The following KAT2B variants were observed in gnomAD, a reference collection of about 807,000 sequenced individuals.
KAT2B encodes lysine acetyltransferase 2B.
Under a neutral mutation model 105.9 loss-of-function variants are expected in KAT2B, and 36 were observed. The observed-to-expected ratio is 0.34, with a 90% CI of 0.26 to 0.45. KAT2B has a LOEUF of 0.45. Ranked by LOEUF, KAT2B falls within the 20% of genes least tolerant of loss-of-function variation. KAT2B has a pLI of 1.00. For missense variants in KAT2B, 820 were observed against 1,021.6 expected, an observed-to-expected ratio of 0.80 and a Z score of 2.69; for synonymous variants, 397 against 377.9, an observed-to-expected ratio of 1.05 and a Z score of -0.59.
At chr3:20,052,361 C>T (rs1261111029) in intron 1 of KAT2B, among the ~76,000 whole-genome samples, 1 of 152,114 alleles carries the variant, frequency 6.6e-6, no homozygotes. Flanking sequence ...TCATGGAGCC[C>T]ATAAGGCCTC....
At position 20,122,854 on chromosome 3, in the gene KAT2B, C is replaced by G. The variant is rs1161361506; in HGVS notation, c.1413+50C>G. The stretch of plus-strand genomic sequence containing the variant: ...CAGCTGGTAGACCTCTTCTGCTCTC[C>G]TGGCCACTCCAGCTGTCAGAAGTGG... On this transcript the variant is annotated intron_variant, in intron 9 of 17. Transcript: ENST00000263754. 1.9e-6 allele frequency: 3 copies of G among 1,557,450 alleles called. No homozygotes were observed. The South Asian group carries it at 3.6e-5, about 19-fold the overall frequency.
chr3:20,121,730 ATATGTGTGTGTGTGTGTGTG>A (rs1189805172), intron 8 of KAT2B, among the ~76,000 whole-genome samples: 113 of 92,576 alleles, frequency 1.2e-3, no homozygotes, highest in African/African-American at 3.6e-3. Context: ...ACACATATGC[ATATGTGTGTGTGTGTGTGTG>A]TGTGTGTGTG....
intron 2 of KAT2B, among the ~76,000 whole-genome samples, chr3:20,078,539 ATT>A (rs879676156): frequency 1.4e-5 from 2 of 145,716 alleles, no homozygotes. Context: ...TGCCCAGCTA[ATT>A]TTTTTTTTTT....
intron 12 of KAT2B, among the ~76,000 whole-genome samples, chr3:20,139,594 A>C (rs1699663905): frequency 6.6e-6 from 1 of 151,914 alleles, no homozygotes; most frequent in Non-Finnish European, 1.5e-5. Context: ...ACTTAAGGCA[A>C]ATTATGTTTA....
chr3:20,086,809 T>TGAGATGGAGTCTCGC (rs1698625081), intron 2 of KAT2B, among the ~76,000 whole-genome samples: 1 of 146,210 alleles, frequency 6.8e-6, no homozygotes, highest in Admixed American at 6.7e-5. Context: ...TTTTTTTTTT[T>TGAGATGGAGTCTCGC]GAGATGGAGT....
intron 1 of KAT2B, among the ~76,000 whole-genome samples, chr3:20,051,199 C>CAAA (rs61279125): frequency 0.13 from 14,757 of 113,096 alleles, 1,119 homozygotes; most frequent in East Asian, 0.37. Flanking sequence ...TACTCTGTCT[C>CAAA]AAAAAAAAAA....
In KAT2B at chr3:20,114,876, G is replaced by T; in HGVS notation, c.1044-6G>T. 6.7e-7 allele frequency: 1 copy of T among 1,503,158 alleles called. No individual in the cohort carries two copies. The highest frequency in any genetic ancestry group is 9.2e-7 in the Non-Finnish European group (1 of 1,082,130). The allele number at this position is 1,503,158 out of a possible 1,614,324, so 93.1% of individuals were successfully genotyped here. A position where few individuals can be genotyped will look rare whatever the true frequency, so the allele number is the denominator to read the frequency against. ...TTAATCTTATTGCTATTACTCTTGT[G>T]TCTAGATTTCTGTCCATGCTAGAAG... On this transcript the variant is annotated splice_polypyrimidine_tract_variant and splice_region_variant and intron_variant, in intron 6 of 17. Transcript: ENST00000263754.
rs1698109367 is a variant in KAT2B at position 20,061,880 on chromosome 3, G to GTATAAAATATGTATTATATATTATA, written c.304-10431_304-10407dup. On this transcript the variant is annotated intron_variant, in intron 1 of 17. Coordinates refer to ENST00000263754, the MANE Select transcript of KAT2B (RefSeq NM_003884.5). Reference sequence around the variant, plus strand: ...TATACATAAAATATATAATATATTTGTATAAAATATGTATTATATATTATA... The same window carrying GTATAAAATATGTATTATATATTATA: ...TATACATAAAATATATAATATATTTGTATAAAATATGTATTATATATTATATATAAAATATGTATTATATATTATA... Among the ~76,000 whole-genome samples, 5 of 72,832 alleles carry GTATAAAATATGTATTATATATTATA rather than the reference G, an allele frequency of 6.9e-5. 1 individual carries two copies. The highest frequency in any genetic ancestry group is 8.4e-5 in the Non-Finnish European group (3 of 35,516). 47.8% of individuals were successfully genotyped at this position (72,832 alleles called of 152,430 possible). A position where few individuals can be genotyped will look rare whatever the true frequency, so the allele number is the denominator to read the frequency against.
At chr3:20,113,230 G>A (rs897865145) in intron 6 of KAT2B, among the ~76,000 whole-genome samples, 1 of 152,186 alleles carries the variant, frequency 6.6e-6, no homozygotes, top group Non-Finnish European at 1.5e-5. Flanking sequence ...CCTTTCCTTA[G>A]AGATTGAAGC....
At chr3:20,061,826 A>AATATATAATATACATAAAAT (rs1262301462) in intron 1 of KAT2B, among the ~76,000 whole-genome samples, 1 of 89,310 alleles carries the variant, frequency 1.1e-5, no homozygotes, top group Admixed American at 1.3e-4. Flanking sequence ...TAAAGTATAT[A>AATATATAATATACATAAAAT]ATATATAATA....
chr3:20,115,133 A>G, intron 7 of KAT2B, 145 bp downstream of exon 7: 1 of 604,556 alleles, frequency 1.7e-6, no homozygotes. Context: ...AAACCCAATT[A>G]TAGTCTCAGT....
intron 1 of KAT2B, among the ~76,000 whole-genome samples, chr3:20,059,914 A>G (rs1698070834): frequency 6.6e-6 from 1 of 152,108 alleles, no homozygotes; most frequent in South Asian, 2.1e-4. Context: ...CCCACCCCAG[A>G]TGACCACTAA....
rs189344196 is a variant in KAT2B at position 20,063,432 on chromosome 3, T to C, written c.304-8901T>C. ...CTGTATTTTCTTTTAAGAGATTCTT[T>C]CTTTCTTTCTTTTTTTTTCTTTTGA... On this transcript the variant is annotated intron_variant, in intron 1 of 17. Transcript: ENST00000263754. Among the ~76,000 whole-genome samples the C allele has an allele frequency of 3.6e-3, 546 of 151,358 alleles. 2 individuals carry two copies. Among genetic ancestry groups the C allele is most frequent in the African/African-American group, 0.013 (522 of 41,282 alleles).
chr3:20,118,709 A>G (rs1265941961), intron 7 of KAT2B, among the ~76,000 whole-genome samples: 2 of 138,288 alleles, frequency 1.4e-5, no homozygotes, highest in Non-Finnish European at 3.1e-5. Context: ...CTGGGCGACA[A>G]AAGCGAAACT....
At chr3:20,070,525 C>T (rs575661110) in intron 1 of KAT2B, among the ~76,000 whole-genome samples, 228 of 150,360 alleles carry the variant, frequency 1.5e-3, no homozygotes, top group South Asian at 3.6e-3. Flanking sequence ...AGGGTAATCT[C>T]GATCTCCTGA....
chr3:20,061,933 T>TAAAACATAATATATATTATATAC (rs1698112520), intron 1 of KAT2B, among the ~76,000 whole-genome samples: 1 of 109,778 alleles, frequency 9.1e-6, no homozygotes, highest in Non-Finnish European at 1.7e-5. Flanking sequence ...ATATCATATA[T>TAAAACATAATATATATTATATAC]AAAACATAAT....
In KAT2B at chr3:20,111,651, A is replaced by T; in HGVS notation, c.907A>T (p.Thr303Ser). 6.2e-7 allele frequency: 1 copy of T among 1,614,008 alleles called. No individual in the cohort carries two copies. Among genetic ancestry groups the T allele is most frequent in the Non-Finnish European group, 8.5e-7 (1 of 1,179,920 alleles). Residue 303 changes from threonine (T) to serine (S), a missense_variant, in exon 6 of 18, where the codon ACC becomes TCC. Physicochemically the swap from Thr to Ser is moderately conservative, Grantham distance 58. Around this residue, in one of 6 missense-constraint regions of KAT2B, gnomAD observed 173 missense variants for 249.5 expected, o/e 0.69. Coordinates refer to ENST00000263754, the MANE Select transcript of KAT2B (RefSeq NM_003884.5). The part of the protein sequence containing the change: ...QFCDSLPRYE[T>S]TQVFGRTLLR... ...CTGCGACAGTCTACCTCGGTACGAA[A>T]CCACACAGGTGTTTGGGAGAACATT...
At chr3:20,102,554 C>T (rs575647705) in intron 5 of KAT2B, among the ~76,000 whole-genome samples, 2 of 152,286 alleles carry the variant, frequency 1.3e-5, no homozygotes, top group East Asian at 3.9e-4. Flanking sequence ...TTCTCTATTG[C>T]TGGACATTCA....
intron 2 of KAT2B, among the ~76,000 whole-genome samples, chr3:20,085,747 GT>G (rs1365086005): frequency 2.0e-5 from 3 of 152,002 alleles, no homozygotes; most frequent in Non-Finnish European, 4.4e-5. Flanking sequence ...CTGACTTCAG[GT>G]GATCCACCTG....
Sources: allele counts gnomAD v4.1 joint callset (sites outside exome capture counted in the v4.1 genomes callset), GRCh38; gene constraint gnomAD v4.1.1; regional missense constraint gnomAD v4.1.1; transcripts MANE v1.5; gene names NCBI Gene and HGNC (gene_info 2026-07-23, HGNC 2026-07-21).